Variants in MGAT4C observed in about 807,000 individuals in gnomAD.
The protein encoded by MGAT4C is MGAT4 family member C, also known as alpha-1,3-mannosyl-glycoprotein 4-beta-N-acetylglucosaminyltransferase C.
Under a neutral mutation model 40.1 loss-of-function variants are expected in MGAT4C, and 19 were observed. The observed-to-expected ratio is 0.47, with a 90% CI of 0.33 to 0.70. The LOEUF (loss-of-function observed/expected upper bound fraction) is 0.70, where lower values mean the gene tolerates loss of function less well. MGAT4C is among the 30% of genes least tolerant of loss of function. The probability of loss-of-function intolerance (pLI) is 0.02; values close to 1 mark genes in which losing one functional copy is unlikely to be tolerated. For synonymous variants in MGAT4C, 181 were observed against 187.1 expected (o/e 0.97, Z 0.27); for missense variants, 491 against 563.2 (o/e 0.87, Z 1.30).
Position 85,964,617 on chromosome 12 carries a change from C to T in MGAT4C, c.*14672G>A, listed in dbSNP as rs1883263658. ...TTAAGGAAGGTAAGATACTCTTATC[C>T]TACATATACGCCAGAAAAATTGCTT... On this transcript the variant is annotated 3_prime_UTR_variant, in exon 5 of 5. Transcript: ENST00000611864. The T allele has an allele frequency of 6.6e-6, 1 of 152,074 alleles. No individual in the cohort carries two copies. The highest frequency in any genetic ancestry group is 2.1e-4 in the South Asian group (1 of 4,826). The allele number at this position is 152,074 out of a possible 1,614,324, so 9.4% of individuals were successfully genotyped here. A position where few individuals can be genotyped will look rare whatever the true frequency, so the allele number is the denominator to read the frequency against.
chr12:86,106,831 T>G (rs1210263601), intron 1 of MGAT4C, among the ~76,000 whole-genome samples: 1 of 152,200 alleles, frequency 6.6e-6, no homozygotes, highest in Non-Finnish European at 1.5e-5. Context: ...AGTAGGACCA[T>G]GCTTGATGTT....
chr12:86,612,289 T>G (rs117286186), intron 2 of MGAT4C, among the ~76,000 whole-genome samples: 1 of 152,082 alleles, frequency 6.6e-6, no homozygotes, highest in Non-Finnish European at 1.5e-5. Flanking sequence ...TAAAATCATA[T>G]GCATGCTTAA....
At chr12:86,074,497 G>A (rs753014620) in intron 1 of MGAT4C, among the ~76,000 whole-genome samples, 1 of 152,122 alleles carries the variant, frequency 6.6e-6, no homozygotes, top group African/African-American at 2.4e-5. Flanking sequence ...TTATAGAAGT[G>A]AGTGCAAGTA....
At chr12:86,135,863 T>C (rs1881871937) in intron 1 of MGAT4C, among the ~76,000 whole-genome samples, 1 of 152,214 alleles carries the variant, frequency 6.6e-6, no homozygotes, top group Non-Finnish European at 1.5e-5. Flanking sequence ...ATTGCTAAAT[T>C]ACGATGCATG....
rs190724055 is a variant in MGAT4C at position 86,582,872 on chromosome 12, C to T, written c.-229+144337G>A. On this transcript the variant is annotated intron_variant, in intron 2 of 7. Coordinates refer to the MGAT4C transcript ENST00000548651. ...AACCCTGTCAACATTCAAACTCCTTCGGGTTAACCAAACAAATCAAGATGA... is the reference window on the plus strand; with the variant it reads ...AACCCTGTCAACATTCAAACTCCTTTGGGTTAACCAAACAAATCAAGATGA... Among the ~76,000 whole-genome samples, 357 of 151,260 alleles carry T rather than the reference C, an allele frequency of 2.4e-3. 5 individuals carry two copies. The highest frequency in any genetic ancestry group is 8.3e-3 in the African/African-American group (345 of 41,354).
At chr12:86,081,291 T>G (rs545379574) in intron 1 of MGAT4C, among the ~76,000 whole-genome samples, 41 of 152,314 alleles carry the variant, frequency 2.7e-4, no homozygotes, top group Admixed American at 2.7e-3. Context: ...GTCATTGATT[T>G]GTTGCTATGG....
At chr12:86,710,983 A>G (rs1489413767) in intron 2 of MGAT4C, among the ~76,000 whole-genome samples, 1 of 152,156 alleles carries the variant, frequency 6.6e-6, no homozygotes, top group Non-Finnish European at 1.5e-5. Flanking sequence ...GAGCAAAGTT[A>G]TAAGGATGCA....
At chr12:86,700,160 GACA>G (rs1950335944) in intron 2 of MGAT4C, among the ~76,000 whole-genome samples, 1 of 82,364 alleles carries the variant, frequency 1.2e-5, no homozygotes, top group Non-Finnish European at 3.3e-5. Context: ...CAGACAGACA[GACA>G]GACAGACAGA....
At chr12:86,769,768 A>G (rs541322219) in intron 1 of MGAT4C, among the ~76,000 whole-genome samples, 4 of 152,222 alleles carry the variant, frequency 2.6e-5, no homozygotes, top group Admixed American at 6.5e-5. Context: ...CGCAAGGACA[A>G]AAAACCAAAC....
chr12:86,336,423 G>A (rs1233299062), intron 3 of MGAT4C, among the ~76,000 whole-genome samples: 3 of 152,136 alleles, frequency 2.0e-5, no homozygotes, highest in Non-Finnish European at 4.4e-5. Context: ...ATTCTCAGGT[G>A]TCTATTATGT....
chr12:86,806,431 T>TGC, intron 1 of MGAT4C, among the ~76,000 whole-genome samples: 1 of 84,146 alleles, frequency 1.2e-5, no homozygotes, highest in East Asian at 2.3e-4. Flanking sequence ...TACTTACATC[T>TGC]GTGTGTGTGT....
At chr12:86,378,985 T>A (rs926171683) in intron 3 of MGAT4C, among the ~76,000 whole-genome samples, 11 of 152,156 alleles carry the variant, frequency 7.2e-5, no homozygotes, top group Non-Finnish European at 1.5e-4. Context: ...GATTTGAATC[T>A]GAACTCTATC....
chr12:86,084,879 G>T (rs1871458671), intron 1 of MGAT4C, among the ~76,000 whole-genome samples: 1 of 151,956 alleles, frequency 6.6e-6, no homozygotes, highest in African/African-American at 2.4e-5. Flanking sequence ...TAATCTTTGG[G>T]TGTTTGAAGG....
In MGAT4C at chr12:86,204,686, T is replaced by C. The variant is rs73385330; in HGVS notation, c.-57+51553A>G. Among the ~76,000 whole-genome samples, 504 of 152,240 alleles carry C rather than the reference T, an allele frequency of 3.3e-3. 2 individuals are homozygous for C. The highest frequency in any genetic ancestry group is 0.012 in the African/African-American group (491 of 41,572). On this transcript the variant is annotated intron_variant, in intron 1 of 4. Coordinates refer to ENST00000611864, the MANE Select transcript of MGAT4C (RefSeq NM_001351288.2). The stretch of plus-strand genomic sequence containing the variant: ...CTTAGGCTGATCATTTTCCTTATGA[T>C]TTTATTTGTATAAACATTTAAGACC...
At chr12:86,544,872 C>A (rs999058080) in intron 2 of MGAT4C, among the ~76,000 whole-genome samples, 1 of 152,034 alleles carries the variant, frequency 6.6e-6, no homozygotes, top group African/African-American at 2.4e-5. Context: ...ATACATTATT[C>A]TTAGAGATAT....
At chr12:86,811,370 T>C (rs1952471071) in intron 1 of MGAT4C, among the ~76,000 whole-genome samples, 1 of 143,520 alleles carries the variant, frequency 7.0e-6, no homozygotes, top group African/African-American at 2.6e-5. Context: ...TGAGACAGAG[T>C]CTCACTCTGT....
At chr12:86,007,898 G>A (rs571621699) in intron 2 of MGAT4C, among the ~76,000 whole-genome samples, 2 of 147,236 alleles carry the variant, frequency 1.4e-5, no homozygotes, top group African/African-American at 4.8e-5. Context: ...AGTGTATGGT[G>A]TGAAGAAGAG....
intron 1 of MGAT4C, among the ~76,000 whole-genome samples, chr12:86,779,082 C>G (rs1048226708): frequency 6.6e-6 from 1 of 151,240 alleles, no homozygotes; most frequent in Non-Finnish European, 1.5e-5. Flanking sequence ...AGAAAACGCA[C>G]AGCTGGTAAG....
chr12:86,502,643 T>C (rs1024756637), intron 2 of MGAT4C, among the ~76,000 whole-genome samples: 1 of 144,670 alleles, frequency 6.9e-6, no homozygotes, highest in African/African-American at 2.5e-5. Flanking sequence ...TTTCTGCTCA[T>C]ATATATACAT....
Sources: gnomAD v4.1 joint callset for allele counts (sites outside exome capture counted in the v4.1 genomes callset) on GRCh38, gnomAD v4.1.1 for gene constraint, MANE v1.5 for transcripts, NCBI Gene and HGNC (gene_info 2026-07-23, HGNC 2026-07-21) for gene names.